Variants in EIPR1 observed in about 807,000 individuals in gnomAD.
EIPR1 encodes the protein EARP and GARP complex-interacting protein 1.
EIPR1 carries 25 observed loss-of-function variants against 48.1 expected under a neutral mutation model. That is an observed-to-expected ratio of 0.52 (90% confidence interval 0.38 to 0.73). The LOEUF (loss-of-function observed/expected upper bound fraction) is 0.73, where lower values mean the gene tolerates loss of function less well. Ranked by LOEUF, EIPR1 falls within the 30% of genes least tolerant of loss-of-function variation. EIPR1 has a pLI of 0.00. For missense variants in EIPR1, 415 were observed against 506.2 expected (o/e 0.82, Z 1.73); for synonymous variants, 204 against 201.9 (o/e 1.01, Z -0.09).
chr2:3,199,781 G>T (rs1166603250), intron 5 of EIPR1, among the ~76,000 whole-genome samples: 2 of 113,250 alleles, frequency 1.8e-5, no homozygotes, highest in Non-Finnish European at 3.8e-5. Flanking sequence ...GGTGACAGGG[G>T]TGTGTCTGCA....
chr2:3,236,151 AG>A (rs1398422622), intron 4 of EIPR1, among the ~76,000 whole-genome samples: 2 of 152,194 alleles, frequency 1.3e-5, no homozygotes, highest in African/African-American at 4.8e-5. Flanking sequence ...CCTGTGAGGC[AG>A]GGAGGCTGTC....
chr2:3,267,966 T>C (rs1393608422), intron 3 of EIPR1, among the ~76,000 whole-genome samples: 1 of 152,218 alleles, frequency 6.6e-6, no homozygotes, highest in African/African-American at 2.4e-5. Flanking sequence ...CACAGACTGT[T>C]TGGCTGCTGT....
rs1457307294 is a variant in EIPR1 at position 3,238,629 on chromosome 2, G to A, written c.416+18670C>T. ...AGACTTTTGTTTTCACAGAGGAAGC[G>A]TCCAATGTGGAAAATTAACTCTGAA... On this transcript the variant is annotated intron_variant, in intron 4 of 8. Transcript: ENST00000382125. Among the ~76,000 whole-genome samples, 9 of 152,346 alleles carry A rather than the reference G, an allele frequency of 5.9e-5. No homozygotes were observed. In the South Asian group the frequency reaches 1.0e-3, roughly 18 times the overall value.
At chr2:3,194,202 A>C in intron 6 of EIPR1, 36 bp from the exon 7 acceptor site, 1 of 1,609,178 alleles carries the variant, frequency 6.2e-7, no homozygotes, top group Non-Finnish European at 8.5e-7. Context: ...GGAAAATAGT[A>C]AATGGATTAG....
At chr2:3,246,041 G>A (rs777171566) in intron 4 of EIPR1, among the ~76,000 whole-genome samples, 10 of 152,282 alleles carry the variant, frequency 6.6e-5, no homozygotes, top group Admixed American at 1.3e-4. Flanking sequence ...TGGTTGAGCC[G>A]TGATCACACC....
intron 1 of EIPR1, among the ~76,000 whole-genome samples, chr2:3,368,318 C>T (rs777753758): frequency 3.9e-5 from 6 of 152,156 alleles, no homozygotes; most frequent in Admixed American, 6.5e-5. Flanking sequence ...GGTGGTAAAC[C>T]GAAGGGAAAG....
At chr2:3,336,706 T>C (rs1387454272) in intron 3 of EIPR1, among the ~76,000 whole-genome samples, 3 of 151,556 alleles carry the variant, frequency 2.0e-5, no homozygotes, top group Non-Finnish European at 4.4e-5. Context: ...AGGCAGAGGT[T>C]GCAGTGAGCC....
chr2:3,368,384 C>T lies in EIPR1; in HGVS notation c.42+9264G>A, dbSNP rs377003715. Among the ~76,000 whole-genome samples, 215 of 152,344 alleles carry T rather than the reference C, an allele frequency of 1.4e-3. 1 individual carries two copies. Among genetic ancestry groups the T allele is most frequent in the African/African-American group, 5.2e-3 (215 of 41,592 alleles). On this transcript the variant is annotated intron_variant, in intron 1 of 8. Transcript: ENST00000382125. ...CACCCACCTTCCCACCCCGACCGTC[C>T]TTTCTGGTCTGGCCCAGCTCACTTG...
chr2:3,274,300 C>T (rs1667783264), intron 3 of EIPR1: 4 of 1,549,928 alleles, frequency 2.6e-6, no homozygotes, highest in Non-Finnish European at 3.5e-6. Flanking sequence ...CACACTGTAG[C>T]ACAAATGCAG....
intron 7 of EIPR1, among the ~76,000 whole-genome samples, chr2:3,193,748 T>C (rs1664693911): frequency 6.6e-6 from 1 of 152,248 alleles, no homozygotes; most frequent in Non-Finnish European, 1.5e-5. Flanking sequence ...TGCACATTTA[T>C]TTTTGTATAC....
chr2:3,321,397 C>G (rs1669524744), intron 3 of EIPR1, among the ~76,000 whole-genome samples: 1 of 152,094 alleles, frequency 6.6e-6, no homozygotes, highest in African/African-American at 2.4e-5. Context: ...CGTCCTCTGC[C>G]CCCGCCGCCC....
At chr2:3,265,705 AG>A (rs1267326019) in intron 3 of EIPR1, among the ~76,000 whole-genome samples, 2 of 152,244 alleles carry the variant, frequency 1.3e-5, no homozygotes, top group African/African-American at 4.8e-5. Context: ...CACTGCCCAC[AG>A]AAACTGTGTC....
chr2:3,224,472 C>T (rs926192012), intron 4 of EIPR1, among the ~76,000 whole-genome samples: 8 of 152,196 alleles, frequency 5.3e-5, no homozygotes, highest in African/African-American at 1.9e-4. Context: ...GATTGCCAAA[C>T]AGGTTTCACC....
intron 3 of EIPR1, among the ~76,000 whole-genome samples, chr2:3,292,950 C>A (rs999597878): frequency 6.6e-6 from 1 of 151,770 alleles, no homozygotes; most frequent in Admixed American, 6.6e-5. Flanking sequence ...GGAGAGAGAA[C>A]GTTCCTTTTC....
intron 4 of EIPR1, among the ~76,000 whole-genome samples, chr2:3,247,466 A>G (rs901967344): frequency 6.6e-6 from 1 of 152,182 alleles, no homozygotes; most frequent in Non-Finnish European, 1.5e-5. Context: ...GAGACACCAC[A>G]TCCCAACTTC....
chr2:3,360,087 T>A (rs535529735), intron 1 of EIPR1, among the ~76,000 whole-genome samples: 1 of 152,280 alleles, frequency 6.6e-6, no homozygotes, highest in East Asian at 1.9e-4. Context: ...ATTCTGTGTA[T>A]TTTCCCCAGT....
At chr2:3,208,450 G>T in intron 5 of EIPR1, 1 of 1,487,618 alleles carries the variant, frequency 6.7e-7, no homozygotes, top group South Asian at 1.4e-5. Context: ...TGCTTCCGTC[G>T]TTAGCTTTCC....
At chr2:3,252,761 C>T (rs1036406100) in intron 4 of EIPR1, among the ~76,000 whole-genome samples, 8 of 152,188 alleles carry the variant, frequency 5.3e-5, no homozygotes, top group Non-Finnish European at 5.9e-5. Flanking sequence ...GGCTCCATCC[C>T]TGCCGGGCAG....
chr2:3,287,622 A>G (rs547899035), intron 3 of EIPR1, among the ~76,000 whole-genome samples: 3 of 146,716 alleles, frequency 2.0e-5, no homozygotes, highest in Non-Finnish European at 3.0e-5. Context: ...TTCAGGCTCC[A>G]GAAAGTTCGT....
Sources: gnomAD v4.1 joint callset for allele counts (sites outside exome capture counted in the v4.1 genomes callset) on GRCh38, gnomAD v4.1.1 for gene constraint, MANE v1.5 for transcripts, NCBI Gene and HGNC (gene_info 2026-07-23, HGNC 2026-07-21) for gene names.